The following RCBTB1 variants were observed in gnomAD, a reference collection of about 807,000 sequenced individuals.
RCBTB1 encodes RCC1 and BTB domain-containing protein 1.
In RCBTB1, 46 loss-of-function variants were observed where a neutral mutation model predicts 62.4. The ratio of observed to expected loss-of-function variants is 0.74; its 90% CI spans 0.58 to 0.94. The LOEUF (loss-of-function observed/expected upper bound fraction) is 0.94, where lower values mean the gene tolerates loss of function less well. Among genes scored for constraint, RCBTB1 ranks in the 40% least tolerant of loss-of-function variants. The pLI is 0.00. For missense variants in RCBTB1, 565 were observed against 654.9 expected, an observed-to-expected ratio of 0.86 and a Z score of 1.50; for synonymous variants, 222 against 245.8, an observed-to-expected ratio of 0.90 and a Z score of 0.91.
intron 11 of RCBTB1, among the ~76,000 whole-genome samples, chr13:49,541,416 C>T (rs1960352279): frequency 6.6e-6 from 1 of 151,122 alleles, no homozygotes; most frequent in Non-Finnish European, 1.5e-5. Context: ...TGCACGTGTA[C>T]CCCAGAACTT....
intron 4 of RCBTB1, among the ~76,000 whole-genome samples, chr13:49,565,217 G>C (rs1962833436): frequency 6.6e-6 from 1 of 152,226 alleles, no homozygotes; most frequent in African/African-American, 2.4e-5. Context: ...GGGTTTCGCT[G>C]TGTTGGCCGG....
At chr13:49,537,766 A>G (rs1241072419) in intron 12 of RCBTB1, 1 of 152,244 alleles carries the variant, frequency 6.6e-6, no homozygotes, top group Non-Finnish European at 1.5e-5. Flanking sequence ...TCAGGTCTGT[A>G]CCAAAGGAGT....
At chr13:49,576,006 G>GA (rs1376164936) in intron 2 of RCBTB1, among the ~76,000 whole-genome samples, 2 of 151,932 alleles carry the variant, frequency 1.3e-5, no homozygotes, top group Non-Finnish European at 2.9e-5. Flanking sequence ...CTAACACGGT[G>GA]AAACCTCGTC....
intron 2 of RCBTB1, among the ~76,000 whole-genome samples, chr13:49,571,258 A>T (rs2093472): frequency 0.61 from 92,525 of 151,834 alleles, 28,750 homozygotes; most frequent in Non-Finnish European, 0.69. Flanking sequence ...AGGCAGGAGA[A>T]TCGCTTGAAC....
chr13:49,585,073 A>C (rs1032988896), intron 1 of RCBTB1, among the ~76,000 whole-genome samples: 1 of 152,200 alleles, frequency 6.6e-6, no homozygotes, highest in African/African-American at 2.4e-5. Flanking sequence ...AGAGAATAGG[A>C]AGAGTCGGAG....
rs1960316472 is a variant in RCBTB1, at chr13:49,541,007, C to T, written c.1325-1G>A. ...TAAGATGTCGCCAAATCCAGAAGAC[C>T]TAAAAGTAAAATATGTGAAAGGTTT... is the stretch of plus-strand genomic sequence containing the variant. On this transcript the variant is annotated splice_acceptor_variant, in intron 11 of 12. Transcript: ENST00000378302. LOFTEE classifies it high-confidence loss of function. 1 of 1,609,432 alleles carries T rather than the reference C, an allele frequency of 6.2e-7. No individual in the cohort carries two copies.
Position 49,549,598 on chromosome 13 carries a change from G to A in RCBTB1, c.905C>T (p.Thr302Met), listed in dbSNP as rs143686770. The change falls in exon 9 of 13, where the codon ACG (threonine) becomes ATG (methionine). Residue 302 changes from threonine (T) to methionine (M), a missense_variant. Physicochemically the swap from Thr to Met is moderately conservative, Grantham distance 81 (BLOSUM62 -1). Coordinates refer to ENST00000378302, the MANE Select transcript of RCBTB1 (RefSeq NM_018191.4). ...CCACATGTACACGTGCCCACCCTGC[G>A]TCTTGGCTGCAGACGTGTGGGCAGA... The part of the protein sequence containing the change: ...CHSAHTSAAK[T>M]QGGHVYMWGQ... 7 of 1,614,074 alleles carry A rather than the reference G, an allele frequency of 4.3e-6. No homozygotes were observed. The highest frequency in any genetic ancestry group is 2.2e-5 in the East Asian group (1 of 44,868).
At chr13:49,551,769 G>C (rs367651925) in intron 7 of RCBTB1, among the ~76,000 whole-genome samples, 3 of 151,868 alleles carry the variant, frequency 2.0e-5, no homozygotes, top group Non-Finnish European at 4.4e-5. Context: ...GTGTGGTGGC[G>C]GCCATCTGTA....
Position 49,559,900 on chromosome 13 carries a change from T to G in RCBTB1, c.444+18A>C. On this transcript the variant is annotated intron_variant, in intron 5 of 12. Coordinates refer to ENST00000378302, the MANE Select transcript of RCBTB1 (RefSeq NM_018191.4). ...GATGAAAAAAAAAAAGAATAAAGAA[T>G]AAAAGCAGCATACTTACCTCTCCAT... The G allele has an allele frequency of 6.3e-7, 1 of 1,587,022 alleles. No individual in the cohort carries two copies. Among genetic ancestry groups the G allele is most frequent in the Non-Finnish European group, 8.5e-7 (1 of 1,170,850 alleles).
Position 49,551,526 on chromosome 13 carries a change from A to G in RCBTB1, c.712-58T>C, listed in dbSNP as rs1961341605. The G allele has an allele frequency of 1.9e-6, 3 of 1,596,364 alleles. No individual in the cohort carries two copies. In the Admixed American group the frequency reaches 5.1e-5, roughly 27 times the overall value. ...GGAAAACAGGAAGGGCAGGGAGAAC[A>G]TCTACTTAAAGGCTATAGCCAGCTT... On this transcript the variant is annotated intron_variant, in intron 7 of 12. Coordinates refer to ENST00000378302, the MANE Select transcript of RCBTB1 (RefSeq NM_018191.4).
chr13:49,567,328 A>T lies in RCBTB1; in HGVS notation c.-41-8T>A. 1 of 1,586,078 alleles carries T rather than the reference A, an allele frequency of 6.3e-7. No individual in the cohort carries two copies. Among genetic ancestry groups the T allele is most frequent in the Non-Finnish European group, 8.6e-7 (1 of 1,163,960 alleles). On this transcript the variant is annotated splice_region_variant and splice_polypyrimidine_tract_variant and intron_variant, in intron 2 of 12. Transcript: ENST00000378302. ...ATAAATAAGCCGACATCTCTGCTGG[A>T]ACAGAAAGGATTCCAGAAAAAAATT...
intron 4 of RCBTB1, 65 bp from the exon 5 acceptor site, chr13:49,560,149 C>T: frequency 2.6e-6 from 4 of 1,554,576 alleles, no homozygotes; most frequent in South Asian, 1.2e-5. Context: ...ACTTTCTTCC[C>T]CAGAACTTCG....
intron 1 of RCBTB1, among the ~76,000 whole-genome samples, chr13:49,582,511 A>C (rs1261296403): frequency 6.6e-6 from 1 of 152,046 alleles, no homozygotes; most frequent in Non-Finnish European, 1.5e-5. Flanking sequence ...AAATAAATAA[A>C]TGCAAGAGAA....
intron 2 of RCBTB1, among the ~76,000 whole-genome samples, chr13:49,569,081 A>T (rs2137331399): frequency 6.6e-6 from 1 of 152,348 alleles, no homozygotes; most frequent in East Asian, 1.9e-4. Context: ...GATTTTAAGA[A>T]GTGGCAGAGT....
At chr13:49,571,978 A>T (rs1434950295) in intron 2 of RCBTB1, among the ~76,000 whole-genome samples, 1 of 152,218 alleles carries the variant, frequency 6.6e-6, no homozygotes, top group Non-Finnish European at 1.5e-5. Flanking sequence ...TGAGTATTTC[A>T]TCTGTGATAA....
At chr13:49,540,711 C>T (rs1287648624) in intron 12 of RCBTB1, among the ~76,000 whole-genome samples, 165 bp downstream of exon 12, 1 of 152,198 alleles carries the variant, frequency 6.6e-6, no homozygotes, top group Admixed American at 6.5e-5. Context: ...AAACAATGAA[C>T]AGGGAATTAA....
Position 49,549,543 on chromosome 13 carries a change from G to A in RCBTB1, c.960C>T (p.Leu320=), listed in dbSNP as rs1961143988. 1 of 1,614,012 alleles carries A rather than the reference G, an allele frequency of 6.2e-7. No individual in the cohort carries two copies. The highest frequency in any genetic ancestry group is 1.1e-5 in the South Asian group (1 of 91,084). ...WGQCRGQSVI[L]PHLTHFSCTD... ...TGCAGGAGAAGTGGGTGAGGTGCGG[G>A]AGGATCACGGACTGACCCCGGCACT... is the stretch of plus-strand genomic sequence containing the variant. The change falls in exon 9 of 13, where the codon CTC becomes CTT. Residue 320 remains leucine (L), a synonymous_variant. Coordinates refer to ENST00000378302, the MANE Select transcript of RCBTB1 (RefSeq NM_018191.4).
intron 1 of RCBTB1, among the ~76,000 whole-genome samples, chr13:49,582,178 G>A (rs529051009): frequency 6.6e-6 from 1 of 152,328 alleles, no homozygotes; most frequent in African/African-American, 2.4e-5. Context: ...GCAGGGAATG[G>A]GATCTGAAGC....
rs199503999 is a variant in RCBTB1, at chr13:49,559,911, T to C, written c.444+7A>G. 153 of 1,607,748 alleles carry C rather than the reference T, an allele frequency of 9.5e-5. No individual in the cohort carries two copies. In the East Asian group the frequency reaches 3.3e-3, roughly 35 times the overall value. On this transcript the variant is annotated splice_region_variant and intron_variant, in intron 5 of 12. Transcript: ENST00000378302. ...AAAAGAATAAAGAATAAAAGCAGCA[T>C]ACTTACCTCTCCATCAGCTGCCAGA...
Sources: allele counts gnomAD v4.1 joint callset (sites outside exome capture counted in the v4.1 genomes callset), GRCh38; gene constraint gnomAD v4.1.1; transcripts MANE v1.5; gene names NCBI Gene and HGNC (gene_info 2026-07-23, HGNC 2026-07-21).